Variants in GRIA2 observed in about 807,000 individuals in gnomAD.
GRIA2 encodes the protein glutamate receptor 2.
A neutral mutation model predicts 97.3 loss-of-function variants in GRIA2; 14 were observed. The observed-to-expected ratio is 0.14, with a 90% CI of 0.10 to 0.23. The LOEUF is 0.23. Among genes scored for constraint, GRIA2 ranks in the 10% least tolerant of loss-of-function variants. The probability of loss-of-function intolerance (pLI) is 1.00; values close to 1 mark genes in which losing one functional copy is unlikely to be tolerated. For synonymous variants in GRIA2, 412 were observed against 387.8 expected (o/e 1.06, Z -0.73); for missense variants, 558 against 1,069.8 (o/e 0.52, Z 6.67).
At chr4:157,314,279 A>G (rs140194854) in intron 4 of GRIA2, among the ~76,000 whole-genome samples, 14 of 152,336 alleles carry the variant, frequency 9.2e-5, no homozygotes, top group African/African-American at 3.4e-4. Context: ...AATTTGTTCA[A>G]CACAAAACAT....
intron 2 of GRIA2, among the ~76,000 whole-genome samples, chr4:157,285,842 C>A (rs1247160112): frequency 2.0e-5 from 3 of 151,334 alleles, no homozygotes; most frequent in South Asian, 4.2e-4. Flanking sequence ...ATTTATAGAT[C>A]ACTTATTGTT....
At chr4:157,279,753 A>G (rs966307105) in intron 2 of GRIA2, among the ~76,000 whole-genome samples, 5 of 152,148 alleles carry the variant, frequency 3.3e-5, no homozygotes, top group African/African-American at 1.2e-4. Context: ...GAATAGTGAT[A>G]TCCCTAGAAG....
chr4:157,229,358 T>C (rs1729898686), intron 2 of GRIA2, among the ~76,000 whole-genome samples: 1 of 152,224 alleles, frequency 6.6e-6, no homozygotes, highest in Non-Finnish European at 1.5e-5. Context: ...ATCATATTAC[T>C]GGGAAAATCA....
At chr4:157,295,544 A>G (rs981080039) in intron 2 of GRIA2, among the ~76,000 whole-genome samples, 7 of 152,122 alleles carry the variant, frequency 4.6e-5, no homozygotes, top group Non-Finnish European at 7.4e-5. Context: ...ACAGGAGTGA[A>G]CAAAGTAAAG....
intron 15 of GRIA2, 138 bp downstream of exon 15, chr4:157,363,185 G>C (rs1258148284): frequency 1.1e-6 from 1 of 930,334 alleles, no homozygotes; most frequent in African/African-American, 1.6e-5. Flanking sequence ...TTCCCAGTTG[G>C]TGACTAACCT....
intron 12 of GRIA2, chr4:157,342,547 T>G: frequency 4.1e-6 from 2 of 486,532 alleles, no homozygotes; most frequent in Non-Finnish European, 2.7e-6. Flanking sequence ...TTAGAATGAA[T>G]CTTGTAATGT....
chr4:157,343,827 A>T (rs1735653642), intron 12 of GRIA2, among the ~76,000 whole-genome samples: 2 of 152,110 alleles, frequency 1.3e-5, no homozygotes, highest in African/African-American at 4.8e-5. Context: ...TGTATATAAA[A>T]GTTTTGTTTC....
chr4:157,338,024 A>ATATATATATGTG, intron 11 of GRIA2, among the ~76,000 whole-genome samples: 1 of 12,034 alleles, frequency 8.3e-5, no homozygotes, highest in African/African-American at 1.4e-4. Flanking sequence ...ATATATATAT[A>ATATATATATGTG]TATATATATA....
At chr4:157,312,318 G>T (rs1423603305) in intron 3 of GRIA2, among the ~76,000 whole-genome samples, 1 of 151,930 alleles carries the variant, frequency 6.6e-6, no homozygotes, top group East Asian at 1.9e-4. Context: ...TTTCCATTCT[G>T]TAAGAGTAAG....
intron 2 of GRIA2, among the ~76,000 whole-genome samples, chr4:157,253,630 G>A (rs1731111670): frequency 6.6e-6 from 1 of 152,020 alleles, no homozygotes; most frequent in Non-Finnish European, 1.5e-5. Flanking sequence ...TTAAAATTTT[G>A]TTTGATCAAT....
chr4:157,284,392 A>T (rs1177499533), intron 2 of GRIA2, among the ~76,000 whole-genome samples: 1 of 151,812 alleles, frequency 6.6e-6, no homozygotes, highest in Non-Finnish European at 1.5e-5. Flanking sequence ...ATCCTTAATG[A>T]CTTTAATCAG....
In GRIA2 at chr4:157,336,405, C is replaced by T; in HGVS notation, c.1502C>T (p.Thr501Ile). ...GKADIAIAPL[T>I]ITLVREEVID... Reference sequence around the variant, plus strand: ...GCTGATATTGCAATTGCTCCATTAACTATTACCCTTGTGAGAGAAGAGGTG... The same window carrying T: ...GCTGATATTGCAATTGCTCCATTAATTATTACCCTTGTGAGAGAAGAGGTG... The change falls in exon 11 of 16, where the codon ACT (threonine) becomes ATT (isoleucine). Residue 501 changes from threonine to isoleucine, a missense_variant. By Grantham distance (89) the Thr-to-Ile change is moderately conservative. This residue lies in a region of GRIA2 where 41 missense variants were observed against 102.2 expected (regional missense o/e 0.40). Transcript: ENST00000264426. 6.3e-7 allele frequency: 1 copy of T among 1,589,452 alleles called. No individual in the cohort carries two copies. Among genetic ancestry groups the T allele is most frequent in the Non-Finnish European group, 8.6e-7 (1 of 1,167,962 alleles).
Position 157,332,848 on chromosome 4 carries a change from T to C in GRIA2, c.912T>C (p.Val304=), listed in dbSNP as rs755601111. 6.2e-7 allele frequency: 1 copy of C among 1,612,614 alleles called. No individual in the cohort carries two copies. Among genetic ancestry groups the C allele is most frequent in the Non-Finnish European group, 8.5e-7 (1 of 1,178,942 alleles). ...KYTSALTYDA[V]QVMTEAFRNL... is the part of the protein sequence containing the mutation. ...CTTCTGCTCTGACCTATGATGCCGT[T>C]CAAGTGATGACTGAAGCCTTCCGCA... Residue 304 remains valine, a synonymous_variant, in exon 7 of 16, where the codon GTT becomes GTC. Coordinates refer to ENST00000264426, the MANE Select transcript of GRIA2 (RefSeq NM_001083619.3).
chr4:157,298,337 A>G (rs1438806912), intron 2 of GRIA2, among the ~76,000 whole-genome samples: 2 of 152,232 alleles, frequency 1.3e-5, no homozygotes, highest in African/African-American at 4.8e-5. Flanking sequence ...TAAATGTGCA[A>G]TGAAAGAAGT....
At chr4:157,333,190 G>A (rs1735134507) in intron 7 of GRIA2, 59 bp from the exon 8 acceptor site, 1 of 1,023,402 alleles carries the variant, frequency 9.8e-7, no homozygotes, top group African/African-American at 1.6e-5. Context: ...AATCTGTACA[G>A]TGTATATGTT....
chr4:157,354,967 T>G (rs1314813487), intron 12 of GRIA2, among the ~76,000 whole-genome samples: 1 of 152,220 alleles, frequency 6.6e-6, no homozygotes, highest in African/African-American at 2.4e-5. Context: ...TAATTCTAAC[T>G]GTGCATGCAG....
rs1363435495 is a variant in GRIA2, at chr4:157,341,572, ATTCTATTTCTT to A, written c.2043+115_2043+125del. 5 of 714,378 alleles carry A rather than the reference ATTCTATTTCTT, an allele frequency of 7.0e-6. No homozygotes were observed. The African/African-American group carries it at 8.9e-5, about 13-fold the overall frequency. 44.3% of individuals were successfully genotyped at this position (714,378 alleles called of 1,614,324 possible). On this transcript the variant is annotated intron_variant, in intron 12 of 15. Coordinates refer to ENST00000264426, the MANE Select transcript of GRIA2 (RefSeq NM_001083619.3). ...AAGGTACTATGTGAAAGCACCCCTA[ATTCTATTTCTT>A]TTCTTGACTTTGTCTCTGTTTCTGA... is the stretch of plus-strand genomic sequence containing the variant.
chr4:157,263,975 ATAT>A (rs1731660101), intron 2 of GRIA2, among the ~76,000 whole-genome samples: 1 of 152,096 alleles, frequency 6.6e-6, no homozygotes, highest in African/African-American at 2.4e-5. Context: ...AAAAATTTAA[ATAT>A]TATCTTTTTT....
At chr4:157,335,575 C>A in intron 9 of GRIA2, 96 bp from the exon 10 acceptor site, 1 of 740,196 alleles carries the variant, frequency 1.4e-6, no homozygotes, top group Non-Finnish European at 2.4e-6. Flanking sequence ...TTCACTCTGG[C>A]TAATGGGTAA....
Sources: allele counts gnomAD v4.1 joint callset (sites outside exome capture counted in the v4.1 genomes callset), GRCh38; gene constraint gnomAD v4.1.1; regional missense constraint gnomAD v4.1.1; transcripts MANE v1.5; gene names NCBI Gene and HGNC (gene_info 2026-07-23, HGNC 2026-07-21).